LIN52: variants seen among roughly 807,000 people sequenced by gnomAD.
LIN52 encodes lin-52 DREAM MuvB core complex component.
A neutral mutation model predicts 18.5 loss-of-function variants in LIN52; 4 were observed. The ratio of observed to expected loss-of-function variants is 0.22; its 90% CI spans 0.11 to 0.49. The LOEUF (loss-of-function observed/expected upper bound fraction) is 0.49. Ranked by LOEUF, LIN52 falls within the 20% of genes least tolerant of loss-of-function variation. The pLI, the probability that LIN52 is intolerant of heterozygous loss-of-function variation, is 0.97. For synonymous variants in LIN52, 34 were observed against 45.5 expected (o/e 0.75, Z 1.02); for missense variants, 102 against 139.5 (o/e 0.73, Z 1.35).
At chr14:74,189,477 C>T (rs78137234) in intron 5 of LIN52, among the ~76,000 whole-genome samples, 3,811 of 152,270 alleles carry the variant, frequency 0.025, 78 homozygotes, top group Non-Finnish European at 0.036. Context: ...CAAAGTGCAG[C>T]TAAGAAGTTG....
chr14:74,087,276 C>T (rs1042207490), intron 1 of LIN52, among the ~76,000 whole-genome samples: 3 of 151,796 alleles, frequency 2.0e-5, no homozygotes, highest in African/African-American at 7.3e-5. Flanking sequence ...ATTAGCCAGG[C>T]GTGGTGGTGG....
chr14:74,117,536 A>G (rs1595160994), intron 5 of LIN52, among the ~76,000 whole-genome samples: 1 of 152,076 alleles, frequency 6.6e-6, no homozygotes, highest in Admixed American at 6.6e-5. Context: ...TGAGAACTAA[A>G]GTGATTACAA....
chr14:74,130,285 T>TTTTG (rs1394795193), intron 5 of LIN52, among the ~76,000 whole-genome samples: 26 of 128,458 alleles, frequency 2.0e-4, no homozygotes, highest in Middle Eastern at 4.0e-3. Flanking sequence ...TTGGTTTTTT[T>TTTTG]TTTTTTTTTT....
chr14:74,102,351 T>C (rs561120016), intron 5 of LIN52, among the ~76,000 whole-genome samples: 1 of 152,370 alleles, frequency 6.6e-6, no homozygotes, highest in Non-Finnish European at 1.5e-5. Context: ...GCAGTTGGCT[T>C]TCTTTTACCA....
chr14:74,122,999 G>A (rs147668115), intron 5 of LIN52, among the ~76,000 whole-genome samples: 2 of 152,254 alleles, frequency 1.3e-5, no homozygotes, highest in East Asian at 3.9e-4. Context: ...TTGCCTTAGA[G>A]TATTATTTTG....
chr14:74,175,740 A>AC (rs2061290715), intron 5 of LIN52, among the ~76,000 whole-genome samples: 1 of 142,402 alleles, frequency 7.0e-6, no homozygotes, highest in Non-Finnish European at 1.5e-5. Flanking sequence ...ACACACACAC[A>AC]CACACACACA....
chr14:74,140,973 C>T (rs2061127387), intron 5 of LIN52, among the ~76,000 whole-genome samples: 2 of 151,980 alleles, frequency 1.3e-5, no homozygotes, highest in African/African-American at 4.8e-5. Context: ...TAAAAGCTAT[C>T]GTAGGAACAT....
intron 5 of LIN52, among the ~76,000 whole-genome samples, chr14:74,119,752 C>T (rs2060988381): frequency 6.6e-6 from 1 of 151,938 alleles, no homozygotes; most frequent in Admixed American, 6.6e-5. Context: ...TGTTTATTGG[C>T]CATTTGGATA....
At chr14:74,174,789 G>GA (rs35131247) in intron 5 of LIN52, 46,223 of 147,808 alleles carry the variant, frequency 0.31, 7,546 homozygotes, top group East Asian at 0.65. Flanking sequence ...TAATACATTT[G>GA]AAAAAAAAAA....
chr14:74,198,085 G>A (rs988619988), intron 5 of LIN52, among the ~76,000 whole-genome samples: 1 of 152,232 alleles, frequency 6.6e-6, no homozygotes, highest in African/African-American at 2.4e-5. Flanking sequence ...ATCCATTTAA[G>A]AAATCTGAAA....
intron 5 of LIN52, among the ~76,000 whole-genome samples, chr14:74,112,732 A>C (rs1354227141): frequency 4.6e-5 from 7 of 152,238 alleles, no homozygotes. Flanking sequence ...CCTGTTCAGC[A>C]ACTGTTTGGG....
chr14:74,149,074 G>A (rs2061165233), intron 5 of LIN52, among the ~76,000 whole-genome samples: 1 of 152,130 alleles, frequency 6.6e-6, no homozygotes, highest in African/African-American at 2.4e-5. Context: ...CCTGTGACAG[G>A]CGGTGATGAT....
chr14:74,104,070 T>G (rs1309734642), intron 5 of LIN52, among the ~76,000 whole-genome samples: 2 of 151,940 alleles, frequency 1.3e-5, no homozygotes, highest in Non-Finnish European at 2.9e-5. Flanking sequence ...GGCTAATTTT[T>G]GTATTTTTAG....
intron 5 of LIN52, among the ~76,000 whole-genome samples, chr14:74,173,947 T>C (rs748880460): frequency 6.6e-6 from 1 of 152,242 alleles, no homozygotes; most frequent in Non-Finnish European, 1.5e-5. Flanking sequence ...TGCTTCAGGA[T>C]AGAGGTAAGA....
intron 5 of LIN52, among the ~76,000 whole-genome samples, chr14:74,175,083 T>C (rs368001222): frequency 2.1e-4 from 32 of 148,912 alleles, no homozygotes; most frequent in East Asian, 1.4e-3. Context: ...GTGGAACTTA[T>C]AGGACTGGAA....
intron 5 of LIN52, among the ~76,000 whole-genome samples, chr14:74,106,187 C>T (rs2060896214): frequency 6.6e-6 from 1 of 152,186 alleles, no homozygotes; most frequent in Non-Finnish European, 1.5e-5. Flanking sequence ...CCCTCTTTTA[C>T]TGGAACTATG....
intron 5 of LIN52, among the ~76,000 whole-genome samples, chr14:74,176,512 A>G (rs1210298759): frequency 6.6e-6 from 1 of 152,178 alleles, no homozygotes; most frequent in African/African-American, 2.4e-5. Flanking sequence ...TATCATTATC[A>G]AGTATGTACT....
At chr14:74,145,545 T>C (rs1480918246) in intron 5 of LIN52, among the ~76,000 whole-genome samples, 1 of 152,264 alleles carries the variant, frequency 6.6e-6, no homozygotes, top group African/African-American at 2.4e-5. Context: ...AAGTTTGCTA[T>C]CTTTGTCCAT....
chr14:74,119,039 C>A (rs2060981102), intron 5 of LIN52, among the ~76,000 whole-genome samples: 1 of 152,018 alleles, frequency 6.6e-6, no homozygotes, highest in Non-Finnish European at 1.5e-5. Context: ...GAAGTTACCA[C>A]AATTTATTTC....
Sources: gnomAD v4.1 joint callset for allele counts (sites outside exome capture counted in the v4.1 genomes callset) on GRCh38, gnomAD v4.1.1 for gene constraint, MANE v1.5 for transcripts, NCBI Gene and HGNC (gene_info 2026-07-23, HGNC 2026-07-21) for gene names.